Variants in NBPF14 observed in about 807,000 individuals in gnomAD.
The protein encoded by NBPF14 is NBPF family member NBPF14.
A neutral mutation model predicts 91.2 loss-of-function variants in NBPF14; 104 were observed. That is an observed-to-expected ratio of 1.14 (90% CI 0.97 to 1.34). NBPF14 has a LOEUF of 1.34. Among genes scored for constraint, NBPF14 ranks in the 40% most tolerant of loss-of-function variants. The pLI is 0.00. For missense variants in NBPF14, 908 were observed against 783.0 expected, an observed-to-expected ratio of 1.16 and a Z score of -1.91; for synonymous variants, 294 against 303.8, an observed-to-expected ratio of 0.97 and a Z score of 0.34.
At chr1:148,533,753 A>G (rs1261410894) in intron 70 of NBPF14, 108 bp downstream of exon 70, 12 of 760,134 alleles carry the variant, frequency 1.6e-5, no homozygotes, top group African/African-American at 3.4e-5. Context: ...CAGTAGGAGT[A>G]ATTCAGCCTT....
chr1:148,577,634 G>T (rs1426488454), intron 14 of NBPF14, among the ~76,000 whole-genome samples: 3 of 149,380 alleles, frequency 2.0e-5, no homozygotes, highest in East Asian at 3.9e-4. Flanking sequence ...TGATGAGGGA[G>T]TCAAAGGACA....
At chr1:148,533,743 C>A (rs1442133649) in intron 70 of NBPF14, 118 bp downstream of exon 70, 1 of 755,814 alleles carries the variant, frequency 1.3e-6, no homozygotes, top group South Asian at 1.4e-5. Context: ...ACAGCAATGA[C>A]AGTAGGAGTA....
chr1:148,575,822 A>G lies in NBPF14; in HGVS notation c.2079-11T>C, dbSNP rs1248464508. On this transcript the variant is annotated splice_polypyrimidine_tract_variant and intron_variant, in intron 16 of 70. Transcript: ENST00000619423. ...AGCTCCCTGCTGAGCCTGGAAAAGT[A>G]GGAAAAAGTAAAGAATAAGCCAGGG... is the stretch of plus-strand genomic sequence containing the variant. The G allele has an allele frequency of 5.1e-3, 1,619 of 314,726 alleles. 24 individuals carry two copies. In the African/African-American group the frequency reaches 0.067, roughly 13 times the overall value. The allele number at this position is 314,726 out of a possible 1,614,324, so 19.5% of individuals were successfully genotyped here.
chr1:148,591,264 G>A (rs1463153088), intron 5 of NBPF14, among the ~76,000 whole-genome samples, 168 bp downstream of exon 5: 2 of 148,762 alleles, frequency 1.3e-5, no homozygotes, highest in African/African-American at 4.9e-5. Flanking sequence ...GGCACACATA[G>A]AGAAACACGA....
At chr1:148,577,537 G>A (rs1298549292) in intron 14 of NBPF14, among the ~76,000 whole-genome samples, 182 bp from the exon 15 acceptor site, 5 of 128,444 alleles carry the variant, frequency 3.9e-5, no homozygotes, top group East Asian at 2.4e-4. Flanking sequence ...AAGGATGAAC[G>A]AGAAAGACAC....
At position 148,587,174 on chromosome 1, in the gene NBPF14, C is replaced by A. The variant is rs1269686111; in HGVS notation, c.1091+127G>T. 8 of 764,304 alleles carry A rather than the reference C, an allele frequency of 1.0e-5. 2 individuals carry two copies. The highest frequency in any genetic ancestry group is 2.0e-5 in the Admixed American group (1 of 50,022). 47.3% of individuals were successfully genotyped at this position (764,304 alleles called of 1,614,324 possible). On this transcript the variant is annotated intron_variant, in intron 8 of 70. Coordinates refer to ENST00000619423, the Ensembl canonical transcript of NBPF14. Reference sequence around the variant, plus strand: ...TTCTCTGATAAATATTTGTGTGTAGCGAGCCTGCCATGGCAATTCCTGCCC... The same window carrying A: ...TTCTCTGATAAATATTTGTGTGTAGAGAGCCTGCCATGGCAATTCCTGCCC...
rs1193071733 is a variant in NBPF14, at chr1:148,534,581, G to A, written c.8614+103C>T. ...TATGCGCCCATAGGTCCTGCCTGCG[G>A]CAATGACATCTCTCGGGTGAGTAAG... On this transcript the variant is annotated intron_variant, in intron 69 of 70. Coordinates refer to ENST00000619423, the Ensembl canonical transcript of NBPF14. The A allele has an allele frequency of 3.5e-5, 29 of 828,300 alleles. 1 individual carries two copies. The South Asian group carries it at 3.7e-4, about 11-fold the overall frequency. The allele number at this position is 828,300 out of a possible 1,614,324, so 51.3% of individuals were successfully genotyped here.
At chr1:148,592,664 G>A in exon 4 of NBPF14, 2 of 1,588,432 alleles carry the variant, frequency 1.3e-6, no homozygotes, top group Non-Finnish European at 1.7e-6. Flanking sequence ...GGAGGGCCTG[G>A]AGATGCTCAT....
chr1:148,572,493 G>C (rs1352144907), exon 21 of NBPF14: 2 of 578,324 alleles, frequency 3.5e-6, no homozygotes, highest in African/African-American at 4.0e-5. Flanking sequence ...TGAGTAAACA[G>C]CACTGCTGTA....
chr1:148,560,208 C>A (rs1310704634), intron 36 of NBPF14, among the ~76,000 whole-genome samples: 3 of 151,072 alleles, frequency 2.0e-5, no homozygotes. Context: ...AGAAAGTGAC[C>A]TAGTGAATTG....
rs1224614781 is a variant in NBPF14 at position 148,535,364 on chromosome 1, C to G, written c.8441+89G>C. ...GGAGTAATTCAACCTTCGCTGAAAACATGAAATTGAACACACTCTTGTTTT... is the reference window on the plus strand; with the variant it reads ...GGAGTAATTCAACCTTCGCTGAAAAGATGAAATTGAACACACTCTTGTTTT... On this transcript the variant is annotated intron_variant, in intron 68 of 70. Transcript: ENST00000619423. The G allele has an allele frequency of 3.9e-5, 22 of 566,646 alleles. 1 individual carries two copies. The highest frequency in any genetic ancestry group is 5.8e-5 in the South Asian group (3 of 51,864). 35.1% of individuals were successfully genotyped at this position (566,646 alleles called of 1,614,324 possible). A position where few individuals can be genotyped will look rare whatever the true frequency, so the allele number is the denominator to read the frequency against.
At chr1:148,557,034 A>G (rs1656682118) in intron 40 of NBPF14, among the ~76,000 whole-genome samples, 172 bp from the exon 41 acceptor site, 1 of 110,616 alleles carries the variant, frequency 9.0e-6, no homozygotes, top group Admixed American at 8.9e-5. Context: ...GCCAAATGGA[A>G]AAGAATGAAA....
At chr1:148,533,243 T>A in exon 71 of NBPF14, 2 of 694,476 alleles carry the variant, frequency 2.9e-6, no homozygotes, top group Non-Finnish European at 4.3e-6. Context: ...CAGCACGCCG[T>A]TGAGCCTGGA....
intron 58 of NBPF14, among the ~76,000 whole-genome samples, chr1:148,542,961 CAGAG>C (rs1160999375): frequency 0.01 from 169 of 16,234 alleles, no homozygotes; most frequent in Admixed American, 0.021. Flanking sequence ...CACACACACA[CAGAG>C]AGAGAGAGAA....
exon 37 of NBPF14, chr1:148,559,895 T>A: frequency 7.8e-7 from 1 of 1,278,180 alleles, no homozygotes; most frequent in Non-Finnish European, 1.1e-6. Context: ...CCTGAAGGAG[T>A]TGAATAACAT....
At position 148,534,865 on chromosome 1, in the gene NBPF14, G is replaced by C. The variant is rs1450699416; in HGVS notation, c.8442-9C>G. 2.3e-6 allele frequency: 2 copies of C among 862,290 alleles called. No homozygotes were observed. The highest frequency in any genetic ancestry group is 1.3e-5 in the South Asian group (1 of 74,684). 53.4% of individuals were successfully genotyped at this position (862,290 alleles called of 1,614,324 possible). ...GCAGCTCCCTGCTGAGCCTGGAAAA[G>C]TAGGAAAAAGTAAAGAATAAGCCAG... On this transcript the variant is annotated splice_polypyrimidine_tract_variant and intron_variant, in intron 68 of 70. Coordinates refer to ENST00000619423, the Ensembl canonical transcript of NBPF14.
chr1:148,557,584 C>T lies in NBPF14; in HGVS notation c.4955-42G>A. 3 of 635,794 alleles carry T rather than the reference C, an allele frequency of 4.7e-6. 1 individual carries two copies. Among genetic ancestry groups the T allele is most frequent in the East Asian group, 3.3e-5 (1 of 30,366 alleles). The allele number at this position is 635,794 out of a possible 1,614,324, so 39.4% of individuals were successfully genotyped here. A position where few individuals can be genotyped will look rare whatever the true frequency, so the allele number is the denominator to read the frequency against. On this transcript the variant is annotated intron_variant, in intron 39 of 70. Coordinates refer to ENST00000619423, the Ensembl canonical transcript of NBPF14. Reference sequence around the variant, plus strand: ...CAGGGACAGACAAAATAAGCCAATTCACCTACACCCATAACAGTCCACTGT... The same window carrying T: ...CAGGGACAGACAAAATAAGCCAATTTACCTACACCCATAACAGTCCACTGT...
intron 70 of NBPF14, among the ~76,000 whole-genome samples, 197 bp from the exon 71 acceptor site, chr1:148,533,445 A>C (rs1223293917): frequency 6.9e-6 from 1 of 144,670 alleles, no homozygotes; most frequent in African/African-American, 2.5e-5. Context: ...AGAGAAAGAC[A>C]GAGAGAGAGA....
intron 3 of NBPF14, among the ~76,000 whole-genome samples, chr1:148,593,131 C>T (rs1662766420): frequency 2.0e-5 from 3 of 147,634 alleles, no homozygotes; most frequent in Non-Finnish European, 4.5e-5. Context: ...CATACAAAGC[C>T]ACGTACAGAA....
Sources: allele counts gnomAD v4.1 joint callset (sites outside exome capture counted in the v4.1 genomes callset), GRCh38; gene constraint gnomAD v4.1.1; transcripts MANE v1.5; gene names NCBI Gene and HGNC (gene_info 2026-07-23, HGNC 2026-07-21).